MANBA: variants seen among roughly 807,000 people sequenced by gnomAD.
MANBA encodes the protein beta-mannosidase.
Under a neutral mutation model 111.1 loss-of-function variants are expected in MANBA, and 83 were observed. The ratio of observed to expected loss-of-function variants is 0.75; its 90% CI spans 0.63 to 0.90. MANBA has a LOEUF of 0.90. Ranked by LOEUF, MANBA falls within the 40% of genes least tolerant of loss-of-function variation. The probability of loss-of-function intolerance (pLI) is 0.00; values close to 1 mark genes in which losing one functional copy is unlikely to be tolerated. For missense variants in MANBA, 1,036 were observed against 1,069.0 expected (o/e 0.97, Z 0.43); for synonymous variants, 370 against 378.7 (o/e 0.98, Z 0.27).
At chr4:102,655,613 C>T (rs1223703673) in intron 12 of MANBA, among the ~76,000 whole-genome samples, 1 of 152,128 alleles carries the variant, frequency 6.6e-6, no homozygotes, top group African/African-American at 2.4e-5. Context: ...GAAGAATGAA[C>T]CTGAACTCCT....
Position 102,748,659 on chromosome 4 carries a change from A to G in MANBA, c.177+12059T>C, listed in dbSNP as rs924262158. ...GCCAGGCAAGGTGGCTCATGCCTGT[A>G]ATCCCAACACTTTGGGGGGCCGAGG... On this transcript the variant is annotated intron_variant, in intron 1 of 16. Coordinates refer to ENST00000647097, the MANE Select transcript of MANBA (RefSeq NM_005908.4). Among the ~76,000 whole-genome samples, 6 of 152,220 alleles carry G rather than the reference A, an allele frequency of 3.9e-5. No individual in the cohort carries two copies. In the South Asian group the frequency reaches 6.2e-4, roughly 16 times the overall value.
In MANBA at chr4:102,632,113, T is replaced by C. The variant is rs1359493003; in HGVS notation, c.2584A>G (p.Ser862Gly). Residue 862 changes from serine (S) to glycine (G), a missense_variant, in exon 17 of 17, where the codon AGC becomes GGC. By Grantham distance (56) the Ser-to-Gly change is moderately conservative (BLOSUM62 0). Transcript: ENST00000647097. Reference sequence around the variant, plus strand: ...AAAGATTGCTCCAACTCATTCTTGCTGGTGGGCTCCCAAGGGTAAAATAAT... The same window carrying C: ...AAAGATTGCTCCAACTCATTCTTGCCGGTGGGCTCCCAAGGGTAAAATAAT... ...TILFYPWEPT[S>G]KNELEQSFHV... 1 of 1,612,984 alleles carries C rather than the reference T, an allele frequency of 6.2e-7. No individual in the cohort carries two copies. The highest frequency in any genetic ancestry group is 1.7e-5 in the Admixed American group (1 of 60,032).
At chr4:102,645,474 G>A (rs1178770536) in intron 13 of MANBA, among the ~76,000 whole-genome samples, 1 of 151,970 alleles carries the variant, frequency 6.6e-6, no homozygotes, top group Non-Finnish European at 1.5e-5. Flanking sequence ...GAATTCACTA[G>A]TGAAGCCATC....
At chr4:102,657,966 T>C (rs1445020498) in intron 11 of MANBA, 66 bp from the exon 12 acceptor site, 2 of 1,215,526 alleles carry the variant, frequency 1.6e-6, no homozygotes, top group African/African-American at 3.0e-5. Context: ...TATCATTTAC[T>C]TCTTTAAAAA....
At chr4:102,658,050 C>T in intron 11 of MANBA, 150 bp from the exon 12 acceptor site, 1 of 678,922 alleles carries the variant, frequency 1.5e-6, no homozygotes, top group South Asian at 1.6e-5. Flanking sequence ...CCCTATTCAA[C>T]AACCACCAGC....
intron 12 of MANBA, among the ~76,000 whole-genome samples, chr4:102,651,270 CAA>C (rs1730321828): frequency 6.6e-6 from 1 of 151,890 alleles, no homozygotes. Flanking sequence ...GTTGAAGACA[CAA>C]ACCAAATAAT....
rs532540235 is a variant in MANBA at position 102,664,828 on chromosome 4, A to C, written c.1342T>G (p.Ser448Ala). 6.2e-7 allele frequency: 1 copy of C among 1,607,376 alleles called. No individual in the cohort carries two copies. The highest frequency in any genetic ancestry group is 8.5e-7 in the Non-Finnish European group (1 of 1,173,840). ...TTATTGCCACTCCATATGATGATAG[A>C]AGGATGAGATTTCAGTCTCTTGATC... is the stretch of plus-strand genomic sequence containing the variant. Reference protein sequence around the residue: ...YQIKRLKSHPSIIIWSGNNEN... With the variant: ...YQIKRLKSHPAIIIWSGNNEN... Residue 448 changes from serine (S) to alanine (A), a missense_variant, in exon 11 of 17, where the codon TCT becomes GCT. Physicochemically the swap from Ser to Ala is moderately conservative, Grantham distance 99 (BLOSUM62 1). Coordinates refer to ENST00000647097, the MANE Select transcript of MANBA (RefSeq NM_005908.4).
chr4:102,688,944 T>C (rs1266644413), intron 7 of MANBA, among the ~76,000 whole-genome samples: 3 of 152,226 alleles, frequency 2.0e-5, no homozygotes, highest in Non-Finnish European at 2.9e-5. Flanking sequence ...ATAAACTTAC[T>C]AGTAATATTT....
At chr4:102,759,507 C>G (rs911922887) in intron 1 of MANBA, among the ~76,000 whole-genome samples, 34 of 150,924 alleles carry the variant, frequency 2.3e-4, no homozygotes, top group African/African-American at 8.3e-4. Context: ...TCTAAAAATA[C>G]ATCGGACAAT....
intron 1 of MANBA, among the ~76,000 whole-genome samples, chr4:102,743,779 C>T (rs1723495853): frequency 6.6e-6 from 1 of 152,186 alleles, no homozygotes; most frequent in South Asian, 2.1e-4. Flanking sequence ...GACTTGATGA[C>T]CCGTAGTCAA....
At chr4:102,751,342 G>C (rs1042726237) in intron 1 of MANBA, 1 of 351,568 alleles carries the variant, frequency 2.8e-6, no homozygotes, top group Non-Finnish European at 5.6e-6. Flanking sequence ...TTGTAGTTAA[G>C]AGACAGGAGC....
At chr4:102,716,914 A>G (rs1722359609) in intron 4 of MANBA, among the ~76,000 whole-genome samples, 1 of 152,228 alleles carries the variant, frequency 6.6e-6, no homozygotes, top group Non-Finnish European at 1.5e-5. Context: ...TACTATGGAG[A>G]AAAACAAAGA....
chr4:102,750,295 C>CCAAATATTT (rs1723741185), intron 1 of MANBA, among the ~76,000 whole-genome samples: 1 of 151,810 alleles, frequency 6.6e-6, no homozygotes, highest in Non-Finnish European at 1.5e-5. Context: ...TCACGTAAAG[C>CCAAATATTT]CAAATATTTC....
At chr4:102,710,118 G>A (rs994720789) in intron 5 of MANBA, among the ~76,000 whole-genome samples, 4 of 151,986 alleles carry the variant, frequency 2.6e-5, no homozygotes, top group African/African-American at 2.4e-5. Context: ...AGATGCCCAC[G>A]TTCACCACTC....
intron 4 of MANBA, among the ~76,000 whole-genome samples, chr4:102,717,353 G>A (rs191053676): frequency 6.8e-6 from 1 of 147,332 alleles, no homozygotes; most frequent in Non-Finnish European, 1.5e-5. Context: ...GTATCAAGAT[G>A]AGTTTTCCTG....
Position 102,669,558 on chromosome 4 carries a change from C to T in MANBA, c.1231-509G>A, listed in dbSNP as rs1051605999. Among the ~76,000 whole-genome samples the T allele has an allele frequency of 5.3e-5, 8 of 152,292 alleles. 1 individual carries two copies. The highest frequency in any genetic ancestry group is 3.3e-4 in the Admixed American group (5 of 15,302). On this transcript the variant is annotated intron_variant, in intron 9 of 16. Coordinates refer to ENST00000647097, the MANE Select transcript of MANBA (RefSeq NM_005908.4). ...TGTGATGCAATGGTTAAGAACACAG[C>T]CCCTGCTGGGAGCAGTGGCTCACGC...
At chr4:102,734,522 T>A in intron 1 of MANBA, 1 of 1,608,338 alleles carries the variant, frequency 6.2e-7, no homozygotes, top group Non-Finnish European at 8.5e-7. Context: ...CTGAACCATC[T>A]GAGCTCAGAA....
chr4:102,738,385 T>C (rs1225415868), intron 1 of MANBA, among the ~76,000 whole-genome samples: 2 of 152,192 alleles, frequency 1.3e-5, no homozygotes, highest in East Asian at 3.9e-4. Context: ...CAGGTGCTGG[T>C]ATCCATGGCT....
intron 1 of MANBA, among the ~76,000 whole-genome samples, chr4:102,755,069 C>T (rs1158122343): frequency 6.6e-6 from 1 of 152,144 alleles, no homozygotes; most frequent in Non-Finnish European, 1.5e-5. Context: ...AGATTCAACG[C>T]CATCCCCATC....
Sources: gnomAD v4.1 joint callset for allele counts (sites outside exome capture counted in the v4.1 genomes callset) on GRCh38, gnomAD v4.1.1 for gene constraint, MANE v1.5 for transcripts, NCBI Gene and HGNC (gene_info 2026-07-23, HGNC 2026-07-21) for gene names.